MGP: variants seen among roughly 807,000 people sequenced by gnomAD.
MGP encodes matrix Gla protein.
Under a neutral mutation model 14.5 loss-of-function variants are expected in MGP, and 13 were observed. The observed-to-expected ratio is 0.89, with a 90% confidence interval of 0.58 to 1.42. MGP has a LOEUF of 1.42. Ranked by LOEUF, MGP falls within the 40% of genes most tolerant of loss-of-function variation. MGP has a pLI of 0.00. For synonymous variants in MGP, 44 were observed against 46.3 expected (o/e 0.95, Z 0.20); for missense variants, 128 against 133.7 (o/e 0.96, Z 0.21).
At chr12:14,884,382 A>G in intron 1 of MGP, 137 bp from the exon 2 acceptor site, 2 of 632,672 alleles carry the variant, frequency 3.2e-6, no homozygotes, top group Non-Finnish European at 5.1e-6. Flanking sequence ...CATGAAGAAT[A>G]TATTTAGCAG....
At chr12:14,885,620 GATTATAA>G in intron 1 of MGP, 104 bp downstream of exon 1, 6 of 805,322 alleles carry the variant, frequency 7.5e-6, no homozygotes, top group Non-Finnish European at 1.3e-5. Context: ...GGTACTTTAA[GATTATAA>G]CAGAGAAAGG....
In MGP at chr12:14,881,910, G is replaced by C; in HGVS notation, c.*229C>G. ...ACAAGATGAAAGTATCACACCAGAA[G>C]TTTATTATGGAACAATCACATATGT... On this transcript the variant is annotated 3_prime_UTR_variant, in exon 4 of 4. Coordinates refer to ENST00000539261, the MANE Select transcript of MGP (RefSeq NM_000900.5). 1.8e-6 allele frequency: 1 copy of C among 555,468 alleles called. No homozygotes were observed. Among genetic ancestry groups the C allele is most frequent in the Non-Finnish European group, 3.2e-6 (1 of 311,452 alleles). The allele number at this position is 555,468 out of a possible 1,614,324, so 34.4% of individuals were successfully genotyped here. A position where few individuals can be genotyped will look rare whatever the true frequency, so the allele number is the denominator to read the frequency against.
At position 14,882,079 on chromosome 12, in the gene MGP, G is replaced by C; in HGVS notation, c.*60C>G. On this transcript the variant is annotated 3_prime_UTR_variant, in exon 4 of 4. Coordinates refer to ENST00000539261, the MANE Select transcript of MGP (RefSeq NM_000900.5). ...TGTATTTCTGTAATGCTGCTACAGG[G>C]GGATACAAAATCAGGTGCCAGCCTC... The C allele has an allele frequency of 6.3e-7, 1 of 1,583,386 alleles. No homozygotes were observed. Among genetic ancestry groups the C allele is most frequent in the Non-Finnish European group, 8.7e-7 (1 of 1,152,612 alleles).
At chr12:14,882,408 A>C in intron 3 of MGP, 128 bp from the exon 4 acceptor site, 4 of 1,207,654 alleles carry the variant, frequency 3.3e-6, no homozygotes, top group Non-Finnish European at 4.8e-6. Flanking sequence ...TATTTAAAGA[A>C]CAGGGAGAGG....
rs1349277930 is a variant in MGP, at chr12:14,880,961, T to A, written c.*1178A>T. On this transcript the variant is annotated 3_prime_UTR_variant, in exon 4 of 4. Transcript: ENST00000539261. ...TTGTGCAAGCTAGAATTCAGTGGAA[T>A]ACCTTAAAATAATTAAAAGAAACGT... 6.6e-6 allele frequency among the ~76,000 whole-genome samples: 1 copy of A among 152,176 alleles called. No homozygotes were observed. The highest frequency in any genetic ancestry group is 1.5e-5 in the Non-Finnish European group (1 of 68,040).
chr12:14,884,745 G>A (rs1863420115), intron 1 of MGP: 5 of 1,417,502 alleles, frequency 3.5e-6, no homozygotes, highest in African/African-American at 1.4e-5. Flanking sequence ...AGAGGGTTCC[G>A]AAAGCCTCTT....
Position 14,882,200 on chromosome 12 carries a change from A to T in MGP, c.251T>A (p.Met84Lys), listed in dbSNP as rs752029154. ...DDYRLCERYA[M>K]VYGYNAAYNR... Reference sequence around the variant, plus strand: ...ATAGGCAGCATTGTATCCATAAACCATGGCGTAGCGTTCGCAAAGTCTGTA... The same window carrying T: ...ATAGGCAGCATTGTATCCATAAACCTTGGCGTAGCGTTCGCAAAGTCTGTA... The change falls in exon 4 of 4, where the codon ATG becomes AAG. Residue 84 changes from methionine to lysine, a missense_variant. By Grantham distance (95) the Met-to-Lys change is moderately conservative. Coordinates refer to ENST00000539261, the MANE Select transcript of MGP (RefSeq NM_000900.5). The T allele has an allele frequency of 1.2e-6, 2 of 1,613,970 alleles. No individual in the cohort carries two copies. The highest frequency in any genetic ancestry group is 2.7e-5 in the African/African-American group (2 of 74,898).
chr12:14,885,786 C>G lies in MGP; in HGVS notation c.6G>C (p.Lys2Asn). The change falls in exon 1 of 4, where the codon AAG becomes AAC. Residue 2 changes from lysine to asparagine, a missense_variant. Transcript: ENST00000539261. M[K>N]SLILLAILAA... is the part of the protein sequence containing the mutation. The stretch of plus-strand genomic sequence containing the variant: ...CCAGGATGGCAAGAAGGATCAGGCT[C>G]TTCATGGTTTCGTCCTGCAGGTCAG... 6.2e-7 allele frequency: 1 copy of G among 1,613,796 alleles called. No homozygotes were observed. Among genetic ancestry groups the G allele is most frequent in the Non-Finnish European group, 8.5e-7 (1 of 1,179,732 alleles).
In MGP at chr12:14,885,712, T is replaced by C; in HGVS notation, c.61+19A>G. 1 of 1,607,048 alleles carries C rather than the reference T, an allele frequency of 6.2e-7. No individual in the cohort carries two copies. Among genetic ancestry groups the C allele is most frequent in the Admixed American group, 1.7e-5 (1 of 59,922 alleles). ...AGGCAGAAAAGTAAACACAGAGAAA[T>C]GGGAGAAAAGTTTCTCACCATAACA... On this transcript the variant is annotated intron_variant, in intron 1 of 3. Transcript: ENST00000539261.
At chr12:14,884,750 C>A in intron 1 of MGP, 1 of 1,438,606 alleles carries the variant, frequency 7.0e-7, no homozygotes, top group Non-Finnish European at 9.3e-7. Flanking sequence ...GTTCCGAAAG[C>A]CTCTTAAGAA....
rs981889485 is a variant in MGP at position 14,881,083 on chromosome 12, C to T, written c.*1056G>A. 4 of 152,028 alleles carry T rather than the reference C, an allele frequency of 2.6e-5. No homozygotes were observed. The highest frequency in any genetic ancestry group is 9.7e-5 in the African/African-American group (4 of 41,404). 9.4% of individuals were successfully genotyped at this position (152,028 alleles called of 1,614,324 possible). On this transcript the variant is annotated 3_prime_UTR_variant, in exon 4 of 4. Coordinates refer to ENST00000539261, the MANE Select transcript of MGP (RefSeq NM_000900.5). Reference sequence around the variant, plus strand: ...TCCTGCAGACCTGAACTATAAAAAACGTTAAAGGAAGTCGTCAGGCAGAAA... The same window carrying T: ...TCCTGCAGACCTGAACTATAAAAAATGTTAAAGGAAGTCGTCAGGCAGAAA...
chr12:14,882,513 A>G (rs1863389607), intron 3 of MGP, among the ~76,000 whole-genome samples: 1 of 152,068 alleles, frequency 6.6e-6, no homozygotes, highest in African/African-American at 2.4e-5. Context: ...AGCCTGGCCA[A>G]CATGACAAAA....
Position 14,881,925 on chromosome 12 carries a change from A to G in MGP, c.*214T>C. The G allele has an allele frequency of 3.4e-6, 2 of 583,636 alleles. No individual in the cohort carries two copies. Among genetic ancestry groups the G allele is most frequent in the East Asian group, 5.9e-5 (2 of 33,914 alleles). 36.2% of individuals were successfully genotyped at this position (583,636 alleles called of 1,614,324 possible). ...CACACCAGAAGTTTATTATGGAACA[A>G]TCACATATGTTGACTCTCCTTTGAC... is the stretch of plus-strand genomic sequence containing the variant. On this transcript the variant is annotated 3_prime_UTR_variant, in exon 4 of 4. Transcript: ENST00000539261.
At chr12:14,884,911 G>A (rs1311343720) in intron 1 of MGP, 2 of 1,522,100 alleles carry the variant, frequency 1.3e-6, no homozygotes, top group Non-Finnish European at 1.8e-6. Flanking sequence ...ATAAATTTTG[G>A]AATAAGAAGC....
intron 2 of MGP, 51 bp downstream of exon 2, chr12:14,884,162 G>A (rs1268941781): frequency 7.5e-7 from 1 of 1,340,312 alleles, no homozygotes; most frequent in African/African-American, 1.5e-5. Flanking sequence ...AAAATAAGAA[G>A]AGGTTCTTTA....
intron 3 of MGP, 35 bp from the exon 4 acceptor site, chr12:14,882,315 G>A: frequency 6.2e-7 from 1 of 1,612,858 alleles, no homozygotes; most frequent in African/African-American, 1.3e-5. Context: ...AATTGAGAAG[G>A]ATAAAGTGGA....
In MGP at chr12:14,882,712, GA is replaced by G. The variant is rs202089632; in HGVS notation, c.170+259del. 0.08 allele frequency among the ~76,000 whole-genome samples: 8,956 copies of G among 111,870 alleles called. 486 individuals are homozygous for G. The highest frequency in any genetic ancestry group is 0.3 in the East Asian group (1,416 of 4,786). 73.4% of individuals were successfully genotyped at this position (111,870 alleles called of 152,430 possible). On this transcript the variant is annotated intron_variant, in intron 3 of 3. Coordinates refer to ENST00000539261, the MANE Select transcript of MGP (RefSeq NM_000900.5). ...ACCAGGGAGGGAAGGCAGAACAGGAGATTTTTTTTTTTTTTTTAATGAAAAT... is the reference window on the plus strand; with the variant it reads ...ACCAGGGAGGGAAGGCAGAACAGGAGTTTTTTTTTTTTTTTTAATGAAAAT...
intron 1 of MGP, chr12:14,884,832 CAG>C (rs1863421165): frequency 1.3e-6 from 2 of 1,534,788 alleles, no homozygotes; most frequent in Non-Finnish European, 1.7e-6. Context: ...GATGCCAGTT[CAG>C]AGAGAGAACT....
intron 3 of MGP, 100 bp from the exon 4 acceptor site, chr12:14,882,380 C>A: frequency 7.3e-7 from 1 of 1,370,184 alleles, no homozygotes; most frequent in Non-Finnish European, 1.0e-6. Flanking sequence ...TCTCTCCATG[C>A]CCCCCTATAT....
Sources: allele counts gnomAD v4.1 joint callset (sites outside exome capture counted in the v4.1 genomes callset), GRCh38; gene constraint gnomAD v4.1.1; transcripts MANE v1.5; gene names NCBI Gene and HGNC (gene_info 2026-07-23, HGNC 2026-07-21).